PTPN2: variants seen among roughly 807,000 people sequenced by gnomAD.
PTPN2 encodes the protein tyrosine-protein phosphatase non-receptor type 2.
Under a neutral mutation model 57.3 loss-of-function variants are expected in PTPN2, and 19 were observed. The observed-to-expected ratio is 0.33, with a 90% CI of 0.23 to 0.49. The LOEUF (loss-of-function observed/expected upper bound fraction) is 0.49. Ranked by LOEUF, PTPN2 falls within the 20% of genes least tolerant of loss-of-function variation. The pLI, the probability that PTPN2 is intolerant of heterozygous loss-of-function variation, is 0.99. For missense variants in PTPN2, 358 were observed against 501.1 expected, an observed-to-expected ratio of 0.71 and a Z score of 2.73; for synonymous variants, 153 against 164.9, an observed-to-expected ratio of 0.93 and a Z score of 0.55.
chr18:12,839,030 ACT>A (rs1043970051), intron 2 of PTPN2, among the ~76,000 whole-genome samples: 5 of 152,004 alleles, frequency 3.3e-5, no homozygotes, highest in African/African-American at 1.2e-4. Context: ...AGTATATATA[ACT>A]TTTTGATTTC....
intron 1 of PTPN2, among the ~76,000 whole-genome samples, chr18:12,879,524 T>C (rs2044601116): frequency 6.6e-6 from 1 of 152,240 alleles, no homozygotes; most frequent in Non-Finnish European, 1.5e-5. Flanking sequence ...CCTGATACTG[T>C]GCAAAGCACT....
At chr18:12,860,924 C>A (rs1050632900) in intron 1 of PTPN2, among the ~76,000 whole-genome samples, 1 of 152,052 alleles carries the variant, frequency 6.6e-6, no homozygotes, top group African/African-American at 2.4e-5. Context: ...AAAAAAAAAG[C>A]ATTTTAATAG....
chr18:12,794,214 C>A lies in PTPN2; in HGVS notation c.*64G>T. The A allele has an allele frequency of 1.2e-6, 2 of 1,600,788 alleles. No homozygotes were observed. On this transcript the variant is annotated 3_prime_UTR_variant, in exon 9 of 9. Coordinates refer to ENST00000309660, the MANE Select transcript of PTPN2 (RefSeq NM_002828.4). ...ATATGAGGCGTTTGCTGCAGACAAACCCCTATGATTAATGTAGCACTGTCA... is the reference window on the plus strand; with the variant it reads ...ATATGAGGCGTTTGCTGCAGACAAAACCCTATGATTAATGTAGCACTGTCA...
At chr18:12,841,334 C>T (rs1428090958) in intron 2 of PTPN2, among the ~76,000 whole-genome samples, 1 of 152,352 alleles carries the variant, frequency 6.6e-6, no homozygotes, top group Admixed American at 6.5e-5. Context: ...GCTACAGGCA[C>T]AGGCTCTGGA....
In PTPN2 at chr18:12,792,868, G is replaced by C. The variant is rs1395709457; in HGVS notation, c.*1410C>G. 1 of 949,948 alleles carries C rather than the reference G, an allele frequency of 1.1e-6. No individual in the cohort carries two copies. Among genetic ancestry groups the C allele is most frequent in the Non-Finnish European group, 1.3e-6 (1 of 797,788 alleles). The allele number at this position is 949,948 out of a possible 1,614,324, so 58.8% of individuals were successfully genotyped here. A position where few individuals can be genotyped will look rare whatever the true frequency, so the allele number is the denominator to read the frequency against. ...AGCCTCCCAAAGTGCTGGGATTACA[G>C]GCATGAGCCACCGCGCCCGACCAAA... On this transcript the variant is annotated 3_prime_UTR_variant, in exon 9 of 9. Coordinates refer to ENST00000309660, the MANE Select transcript of PTPN2 (RefSeq NM_002828.4).
chr18:12,854,160 A>G (rs931960301), intron 2 of PTPN2, among the ~76,000 whole-genome samples: 2 of 152,036 alleles, frequency 1.3e-5, no homozygotes, highest in Non-Finnish European at 2.9e-5. Context: ...GGAGTTTGAG[A>G]CCAGCCTGGG....
In PTPN2 at chr18:12,792,190, A is replaced by G. The variant is rs1224883928; in HGVS notation, c.*2088T>C. ...TTATTTAATATGTAGTACCACCTAC[A>G]TCCTGCTTTCATACTTTCAACATAA... On this transcript the variant is annotated 3_prime_UTR_variant, in exon 9 of 9. Transcript: ENST00000309660. The G allele has an allele frequency of 3.2e-6, 3 of 935,040 alleles. No homozygotes were observed. The East Asian group carries it at 3.5e-4, about 109-fold the overall frequency. 57.9% of individuals were successfully genotyped at this position (935,040 alleles called of 1,614,324 possible).
chr18:12,794,291 T>C lies in PTPN2; in HGVS notation c.1235A>G (p.Gln412Arg). 1 of 1,614,220 alleles carries C rather than the reference T, an allele frequency of 6.2e-7. No homozygotes were observed. Residue 412 changes from glutamine to arginine, a missense_variant, in exon 9 of 9, where the codon CAA becomes CGA. By Grantham distance (43) the Gln-to-Arg change is conservative. Coordinates refer to ENST00000309660, the MANE Select transcript of PTPN2 (RefSeq NM_002828.4). ...AAAATTAATTGTTTATAGGGCATTT[T>C]GCTGAAAAAACAGTGTCCAGCCAAC... ...AFVGWTLFFQ[Q>R]NAL
chr18:12,863,293 C>G (rs904974197), intron 1 of PTPN2: 2 of 151,904 alleles, frequency 1.3e-5, no homozygotes, highest in African/African-American at 4.8e-5. Context: ...ACCAGCTCTG[C>G]CAAAAAATTT....
At position 12,836,909 on chromosome 18, in the gene PTPN2, T is replaced by C. The variant is rs1319132373; in HGVS notation, c.161-18A>G. ...GTGATCATCTGAAAATAGAGAATGA[T>C]AAACCACAACTGTCATTTCAAAATT... On this transcript the variant is annotated intron_variant, in intron 2 of 8. Coordinates refer to ENST00000309660, the MANE Select transcript of PTPN2 (RefSeq NM_002828.4). 6.9e-7 allele frequency: 1 copy of C among 1,453,434 alleles called. No individual in the cohort carries two copies. Among genetic ancestry groups the C allele is most frequent in the Non-Finnish European group, 9.6e-7 (1 of 1,038,354 alleles). 90.0% of individuals were successfully genotyped at this position (1,453,434 alleles called of 1,614,324 possible). A position where few individuals can be genotyped will look rare whatever the true frequency, so the allele number is the denominator to read the frequency against.
intron 6 of PTPN2, among the ~76,000 whole-genome samples, chr18:12,815,165 G>A: frequency 6.6e-6 from 1 of 151,322 alleles, no homozygotes. Context: ...TGTAATCCCA[G>A]CACTTTGGGA....
chr18:12,846,785 T>C (rs967234741), intron 2 of PTPN2, among the ~76,000 whole-genome samples: 1 of 152,180 alleles, frequency 6.6e-6, no homozygotes, highest in Non-Finnish European at 1.5e-5. Flanking sequence ...TATATACACA[T>C]ACCTATGTTC....
At chr18:12,854,360 G>A (rs150426508) in intron 2 of PTPN2, among the ~76,000 whole-genome samples, 66 of 119,252 alleles carry the variant, frequency 5.5e-4, no homozygotes, top group South Asian at 3.8e-3. Flanking sequence ...ACCCTGTCTT[G>A]AAAAAAAAAA....
At chr18:12,873,244 CCCTCTCCCTCTGCCT>C (rs1429130989) in intron 1 of PTPN2, among the ~76,000 whole-genome samples, 191 of 151,512 alleles carry the variant, frequency 1.3e-3, no homozygotes, top group African/African-American at 4.3e-3. Context: ...AAAAGCCTCT[CCCTCTCCCTCTGCCT>C]CCTCTCCCTC....
chr18:12,881,446 A>C (rs1036088055), intron 1 of PTPN2, among the ~76,000 whole-genome samples: 4 of 152,046 alleles, frequency 2.6e-5, no homozygotes, highest in Non-Finnish European at 5.9e-5. Context: ...AAAAAAAAAG[A>C]AGCAAATATG....
Position 12,825,816 on chromosome 18 carries a change from A to T in PTPN2, c.489T>A (p.Asn163Lys), listed in dbSNP as rs1286069969. 1 of 1,605,002 alleles carries T rather than the reference A, an allele frequency of 6.2e-7. No individual in the cohort carries two copies. The highest frequency in any genetic ancestry group is 1.1e-5 in the South Asian group (1 of 89,148). Residue 163 changes from asparagine to lysine, a missense_variant, in exon 5 of 9, where the codon AAT becomes AAA. Around this residue, in one of 4 missense-constraint regions of PTPN2, gnomAD observed 193 missense variants for 315.4 expected, o/e 0.61. Coordinates refer to ENST00000309660, the MANE Select transcript of PTPN2 (RefSeq NM_002828.4). Reference protein sequence around the residue: ...YYTVHLLQLENINSGETRTIS... With the variant: ...YYTVHLLQLEKINSGETRTIS... The stretch of plus-strand genomic sequence containing the variant: ...CGGGCAAGAAAGGTCTTACATTGAT[A>T]TTTTCTAATTGTAGTAGATGTACTG...
intron 1 of PTPN2, among the ~76,000 whole-genome samples, chr18:12,868,185 G>A (rs2044057635): frequency 6.6e-6 from 1 of 152,116 alleles, no homozygotes; most frequent in Non-Finnish European, 1.5e-5. Flanking sequence ...CAGTGCATGG[G>A]ATTACAAGAC....
intron 5 of PTPN2, among the ~76,000 whole-genome samples, chr18:12,818,732 GATT>G (rs949718926): frequency 2.0e-5 from 3 of 151,650 alleles, no homozygotes; most frequent in Non-Finnish European, 4.4e-5. Context: ...AACAACTAAA[GATT>G]ATTATTATAA....
chr18:12,801,784 G>C (rs772836918), intron 8 of PTPN2, 186 bp downstream of exon 8: 3 of 614,142 alleles, frequency 4.9e-6, no homozygotes, highest in Non-Finnish European at 8.4e-6. Context: ...GCCCAGGCTG[G>C]TTTCAAACTC....
Sources: gnomAD v4.1 joint callset for allele counts (sites outside exome capture counted in the v4.1 genomes callset) on GRCh38, gnomAD v4.1.1 for gene constraint, gnomAD v4.1.1 regional missense constraint, MANE v1.5 for transcripts, NCBI Gene and HGNC (gene_info 2026-07-23, HGNC 2026-07-21) for gene names.